Variants in ACBD6 observed in about 807,000 individuals in gnomAD.
ACBD6 encodes the protein acyl-CoA binding domain containing 6, also known as acyl-CoA-binding domain-containing protein 6.
A neutral mutation model predicts 37.2 loss-of-function variants in ACBD6; 28 were observed. That is an observed-to-expected ratio of 0.75 (90% CI 0.56 to 1.03). The LOEUF is 1.03. ACBD6 is among the 50% of genes least tolerant of loss of function. The pLI is 0.00. For missense variants in ACBD6, 340 were observed against 337.4 expected (o/e 1.01, Z -0.06); for synonymous variants, 113 against 126.8 (o/e 0.89, Z 0.73).
chr1:180,433,574 C>CTGTGTGTGTGTGTGTG (rs61101474), intron 3 of ACBD6, among the ~76,000 whole-genome samples: 1 of 149,720 alleles, frequency 6.7e-6, no homozygotes, highest in Non-Finnish European at 1.5e-5. Flanking sequence ...TGGTGTTATG[C>CTGTGTGTGTGTGTGTG]TGTGTGTGTG....
chr1:180,370,197 A>C (rs776628459), intron 6 of ACBD6, among the ~76,000 whole-genome samples: 1 of 152,220 alleles, frequency 6.6e-6, no homozygotes, highest in Non-Finnish European at 1.5e-5. Flanking sequence ...TAAACAAAGG[A>C]TATCACAGAA....
chr1:180,423,938 T>C (rs549013870), intron 4 of ACBD6, among the ~76,000 whole-genome samples: 70 of 152,226 alleles, frequency 4.6e-4, no homozygotes, highest in African/African-American at 1.6e-3. Context: ...CCAAAGGAAA[T>C]ATCATCATCA....
intron 6 of ACBD6, among the ~76,000 whole-genome samples, chr1:180,318,291 C>T (rs145504688): frequency 6.6e-6 from 1 of 151,810 alleles, no homozygotes; most frequent in Non-Finnish European, 1.5e-5. Context: ...AAACCTTGCT[C>T]TTTTCTCATG....
chr1:180,477,544 C>T (rs891826176), intron 3 of ACBD6, among the ~76,000 whole-genome samples: 2 of 152,034 alleles, frequency 1.3e-5, no homozygotes, highest in African/African-American at 4.8e-5. Flanking sequence ...AGTAACAAAA[C>T]ATGTCATAAT....
downstream of ACBD6, among the ~76,000 whole-genome samples, chr1:180,287,578 C>CTTTTTTTTTTTTTTTTTTT (rs72179174): frequency 1.4e-5 from 1 of 71,570 alleles, no homozygotes; most frequent in Non-Finnish European, 2.8e-5. Flanking sequence ...CAGATCTAAG[C>CTTTTTTTTTTTTTTTTTTT]TTTTTTTTTT....
chr1:180,383,011 C>A (rs571088537), intron 6 of ACBD6, among the ~76,000 whole-genome samples: 132 of 152,256 alleles, frequency 8.7e-4, no homozygotes, highest in African/African-American at 3.1e-3. Context: ...TCAAAAAACA[C>A]TCAACAAACT....
At chr1:180,317,456 C>T (rs1571352191) in intron 6 of ACBD6, among the ~76,000 whole-genome samples, 1 of 152,106 alleles carries the variant, frequency 6.6e-6, no homozygotes, top group African/African-American at 2.4e-5. Flanking sequence ...TGTGAATGTA[C>T]TTAATGCCAC....
intron 5 of ACBD6, among the ~76,000 whole-genome samples, chr1:180,410,565 T>C (rs1237126201): frequency 6.6e-6 from 1 of 152,152 alleles, no homozygotes; most frequent in Admixed American, 6.5e-5. Context: ...CCTGTGCTTT[T>C]GAAATGGGAA....
At chr1:180,319,692 C>T (rs1356015184) in intron 6 of ACBD6, among the ~76,000 whole-genome samples, 1 of 152,168 alleles carries the variant, frequency 6.6e-6, no homozygotes, top group Non-Finnish European at 1.5e-5. Context: ...CATCCTCCTA[C>T]TCTCTATCTC....
intron 6 of ACBD6, among the ~76,000 whole-genome samples, chr1:180,355,411 A>G (rs989760663): frequency 1.3e-5 from 2 of 152,190 alleles, no homozygotes; most frequent in African/African-American, 4.8e-5. Context: ...TTCTTTTGGG[A>G]AAACATCTTT....
chr1:180,341,807 G>A (rs190482291), intron 6 of ACBD6, among the ~76,000 whole-genome samples: 2 of 151,996 alleles, frequency 1.3e-5, no homozygotes, highest in African/African-American at 4.8e-5. Context: ...GCTCTCTGTG[G>A]TCATGGTATT....
intron 6 of ACBD6, among the ~76,000 whole-genome samples, chr1:180,334,289 C>T (rs61057572): frequency 0.051 from 7,718 of 152,192 alleles, 629 homozygotes; most frequent in African/African-American, 0.17. Context: ...TGACACCTCA[C>T]ACGGCCGGGT....
At chr1:180,444,829 A>G (rs1210698569) in intron 3 of ACBD6, among the ~76,000 whole-genome samples, 3 of 152,228 alleles carry the variant, frequency 2.0e-5, no homozygotes, top group Non-Finnish European at 2.9e-5. Flanking sequence ...AAGGGAAAGG[A>G]TAAGTTGTTG....
At chr1:180,349,430 T>C (rs1412851616) in intron 6 of ACBD6, among the ~76,000 whole-genome samples, 1 of 151,798 alleles carries the variant, frequency 6.6e-6, no homozygotes, top group African/African-American at 2.4e-5. Flanking sequence ...TAATTTTTTG[T>C]ATTTTTAGTA....
rs546715964 is a variant in ACBD6 at position 180,405,703 on chromosome 1, CGT to C, written c.573+7661_573+7662del. On this transcript the variant is annotated intron_variant, in intron 5 of 7. Coordinates refer to ENST00000367595, the MANE Select transcript of ACBD6 (RefSeq NM_032360.4). ...TATAGTACACTAATCTGAGAAATAA[CGT>C]GTGACAAGAATTATGTAAACATAAT... Among the ~76,000 whole-genome samples, 21 of 152,180 alleles carry C rather than the reference CGT, an allele frequency of 1.4e-4. No individual in the cohort carries two copies. In the East Asian group the frequency reaches 3.9e-3, roughly 28 times the overall value.
At chr1:180,365,190 T>TGA (rs1169515828) in intron 6 of ACBD6, among the ~76,000 whole-genome samples, 1 of 152,136 alleles carries the variant, frequency 6.6e-6, no homozygotes, top group Admixed American at 6.5e-5. Flanking sequence ...TATAAAAGAC[T>TGA]GAGGTCAACT....
At chr1:180,415,371 TG>T (rs1327072225) in intron 4 of ACBD6, among the ~76,000 whole-genome samples, 1 of 151,714 alleles carries the variant, frequency 6.6e-6, no homozygotes, top group Admixed American at 6.6e-5. Context: ...CACTCCAGCC[TG>T]GGTGACAGAG....
At chr1:180,299,356 C>T (rs1347709423) in intron 7 of ACBD6, among the ~76,000 whole-genome samples, 5 of 152,082 alleles carry the variant, frequency 3.3e-5, no homozygotes, top group African/African-American at 1.2e-4. Flanking sequence ...CTGGGAAATA[C>T]AAAAACAGTC....
chr1:180,377,837 C>T (rs2101923446), intron 6 of ACBD6, among the ~76,000 whole-genome samples: 1 of 152,114 alleles, frequency 6.6e-6, no homozygotes, highest in Non-Finnish European at 1.5e-5. Context: ...ACCCCAGCTA[C>T]TCGGGAGGCC....
Sources: gnomAD v4.1 joint callset for allele counts (sites outside exome capture counted in the v4.1 genomes callset) on GRCh38, gnomAD v4.1.1 for gene constraint, MANE v1.5 for transcripts, NCBI Gene and HGNC (gene_info 2026-07-23, HGNC 2026-07-21) for gene names.